The following TOM1L2 variants were observed in gnomAD, a reference collection of about 807,000 sequenced individuals.
The protein encoded by TOM1L2 is TOM1-like protein 2.
In TOM1L2, 31 loss-of-function variants were observed where a neutral mutation model predicts 67.9. That is an observed-to-expected ratio of 0.46 (90% CI 0.34 to 0.62). TOM1L2 has a LOEUF of 0.62. Ranked by LOEUF, TOM1L2 falls within the 20% of genes least tolerant of loss-of-function variation. The pLI, the probability that TOM1L2 is intolerant of heterozygous loss-of-function variation, is 0.01. For synonymous variants in TOM1L2, 256 were observed against 254.0 expected (o/e 1.01, Z -0.07); for missense variants, 606 against 663.5 (o/e 0.91, Z 0.95).
rs139274915 is a variant in TOM1L2 at position 17,854,129 on chromosome 17, T to C, written c.1279-3177A>G. 7.3e-3 allele frequency among the ~76,000 whole-genome samples: 1,107 copies of C among 152,346 alleles called. 17 individuals carry two copies. Among genetic ancestry groups the C allele is most frequent in the African/African-American group, 0.025 (1,025 of 41,578 alleles). On this transcript the variant is annotated intron_variant, in intron 12 of 14. Transcript: ENST00000379504. ...TTTCTTGTGGCCAGACACAAAACCT[T>C]AGCTATCTAAACCTCTTGTCCTGGT...
intron 3 of TOM1L2, among the ~76,000 whole-genome samples, chr17:17,895,792 C>A (rs772749418): frequency 1.3e-5 from 2 of 152,176 alleles, no homozygotes; most frequent in Non-Finnish European, 2.9e-5. Flanking sequence ...ATTGTTCCCC[C>A]CTTTGGTCCT....
intron 7 of TOM1L2, among the ~76,000 whole-genome samples, chr17:17,875,249 C>T (rs1377895203): frequency 1.4e-5 from 2 of 145,948 alleles, no homozygotes; most frequent in East Asian, 3.9e-4. Flanking sequence ...AAGCGAGACT[C>T]CTTCTCAAAA....
Position 17,931,420 on chromosome 17 carries a change from G to A in TOM1L2, c.53-23889C>T, listed in dbSNP as rs138614846. Among the ~76,000 whole-genome samples the A allele has an allele frequency of 3.3e-5, 5 of 152,312 alleles. No individual in the cohort carries two copies. In the East Asian group the frequency reaches 7.7e-4, roughly 24 times the overall value. On this transcript the variant is annotated intron_variant, in intron 1 of 14. Coordinates refer to ENST00000379504, the MANE Select transcript of TOM1L2 (RefSeq NM_001082968.2). Reference sequence around the variant, plus strand: ...TGATTCAGCTGCTTATATGCTGTGTGATCCTAACCAAATAACTAAATGTCT... The same window carrying A: ...TGATTCAGCTGCTTATATGCTGTGTAATCCTAACCAAATAACTAAATGTCT...
At chr17:17,914,941 CTG>C (rs1277074618) in intron 1 of TOM1L2, among the ~76,000 whole-genome samples, 6 of 152,142 alleles carry the variant, frequency 3.9e-5, no homozygotes, top group African/African-American at 1.2e-4. Context: ...AGACAGAAGA[CTG>C]TTGCACAAAT....
chr17:17,942,448 A>G (rs1286871039), intron 1 of TOM1L2, among the ~76,000 whole-genome samples: 2 of 152,180 alleles, frequency 1.3e-5, no homozygotes, highest in East Asian at 3.8e-4. Flanking sequence ...AAAACTATAT[A>G]CTTCGCAGGA....
chr17:17,848,808 C>G lies in TOM1L2; in HGVS notation c.1375+15G>C, dbSNP rs750846831. The G allele has an allele frequency of 1.2e-5, 19 of 1,613,858 alleles. No homozygotes were observed. Among genetic ancestry groups the G allele is most frequent in the Non-Finnish European group, 1.5e-5 (18 of 1,179,938 alleles). ...GCAACAAAAGGGGGCTGTAAGGCCACTGGCCAGGCCATACCTTCACTTGTG... is the reference window on the plus strand; with the variant it reads ...GCAACAAAAGGGGGCTGTAAGGCCAGTGGCCAGGCCATACCTTCACTTGTG... On this transcript the variant is annotated intron_variant, in intron 14 of 14. Coordinates refer to ENST00000379504, the MANE Select transcript of TOM1L2 (RefSeq NM_001082968.2).
intron 7 of TOM1L2, among the ~76,000 whole-genome samples, chr17:17,875,480 A>C (rs1455429014): frequency 6.6e-6 from 1 of 152,146 alleles, no homozygotes; most frequent in East Asian, 1.9e-4. Context: ...AAGACACCCA[A>C]GAGCCTACTG....
chr17:17,950,281 C>T (rs8076747), intron 1 of TOM1L2, among the ~76,000 whole-genome samples: 68,837 of 151,936 alleles, frequency 0.45, 16,452 homozygotes, highest in East Asian at 0.86. Flanking sequence ...CTCAGTCTTC[C>T]GAGTAGCTGG....
At chr17:17,853,064 C>T (rs1411084873) in intron 12 of TOM1L2, among the ~76,000 whole-genome samples, 1 of 152,104 alleles carries the variant, frequency 6.6e-6, no homozygotes, top group South Asian at 2.1e-4. Context: ...CAGTAGGGTA[C>T]ACTGCTACTC....
intron 1 of TOM1L2, among the ~76,000 whole-genome samples, chr17:17,924,066 AGCAGAGGTT>A (rs905049169): frequency 2.1e-4 from 32 of 151,178 alleles, no homozygotes; most frequent in Non-Finnish European, 4.4e-4. Context: ...TGAACCCAGG[AGCAGAGGTT>A]GCAGTGAGCC....
chr17:17,892,045 A>C (rs2038314167), intron 4 of TOM1L2, among the ~76,000 whole-genome samples: 1 of 152,184 alleles, frequency 6.6e-6, no homozygotes, highest in Non-Finnish European at 1.5e-5. Context: ...GGCAGACAAA[A>C]GAAATGTTAG....
chr17:17,939,784 A>G (rs911364076), intron 1 of TOM1L2, among the ~76,000 whole-genome samples: 1 of 152,244 alleles, frequency 6.6e-6, no homozygotes, highest in African/African-American at 2.4e-5. Flanking sequence ...AAATGTAATG[A>G]AAGTATAAGT....
intron 13 of TOM1L2, among the ~76,000 whole-genome samples, chr17:17,849,564 T>C (rs1216225163): frequency 6.6e-6 from 1 of 152,232 alleles, no homozygotes; most frequent in African/African-American, 2.4e-5. Context: ...TCAGACTTGA[T>C]TTTGTTTGGA....
intron 1 of TOM1L2, among the ~76,000 whole-genome samples, chr17:17,913,973 C>CT (rs1181770148): frequency 6.6e-6 from 1 of 152,184 alleles, no homozygotes; most frequent in Non-Finnish European, 1.5e-5. Context: ...GGAGAGACTA[C>CT]TACCCCCTAG....
At chr17:17,893,609 A>G in intron 4 of TOM1L2, 52 bp downstream of exon 4, 3 of 1,543,954 alleles carry the variant, frequency 1.9e-6, no homozygotes, top group Non-Finnish European at 2.6e-6. Context: ...CTCATCAATA[A>G]GAGACTTCAT....
chr17:17,885,302 A>G (rs1267281654), intron 4 of TOM1L2, among the ~76,000 whole-genome samples: 1 of 152,274 alleles, frequency 6.6e-6, no homozygotes, highest in Non-Finnish European at 1.5e-5. Flanking sequence ...CTCAGATCAG[A>G]GACAACTAAT....
intron 1 of TOM1L2, among the ~76,000 whole-genome samples, chr17:17,928,326 G>A (rs1283611121): frequency 6.6e-6 from 1 of 152,186 alleles, no homozygotes; most frequent in African/African-American, 2.4e-5. Flanking sequence ...AGCAACGAGG[G>A]TACATCAATA....
chr17:17,909,106 A>G (rs2039226855), intron 1 of TOM1L2, among the ~76,000 whole-genome samples: 1 of 152,186 alleles, frequency 6.6e-6, no homozygotes, highest in Admixed American at 6.5e-5. Flanking sequence ...GCGTAAACCC[A>G]GGAGGCGGAG....
intron 1 of TOM1L2, among the ~76,000 whole-genome samples, chr17:17,940,124 C>T (rs2040670080): frequency 1.5e-5 from 2 of 133,986 alleles, no homozygotes; most frequent in African/African-American, 5.7e-5. Context: ...ACCCAGGAGG[C>T]GGAGGTCGCA....
Sources: gnomAD v4.1 joint callset for allele counts (sites outside exome capture counted in the v4.1 genomes callset) on GRCh38, gnomAD v4.1.1 for gene constraint, MANE v1.5 for transcripts, NCBI Gene and HGNC (gene_info 2026-07-23, HGNC 2026-07-21) for gene names.